The following PSPC1 variants were observed in gnomAD, a reference collection of about 807,000 sequenced individuals.
The protein encoded by PSPC1 is paraspeckle protein 1.
PSPC1 carries 14 observed loss-of-function variants against 51.6 expected under a neutral mutation model. The ratio of observed to expected loss-of-function variants is 0.27; its 90% confidence interval spans 0.18 to 0.42. The LOEUF is 0.42. PSPC1 is among the 10% of genes least tolerant of loss of function. PSPC1 has a pLI of 1.00. For synonymous variants in PSPC1, 193 were observed against 231.9 expected (o/e 0.83, Z 1.53); for missense variants, 406 against 701.1 (o/e 0.58, Z 4.75).
At chr13:19,754,881 G>A (rs1266662346) in intron 3 of PSPC1, among the ~76,000 whole-genome samples, 1 of 152,052 alleles carries the variant, frequency 6.6e-6, no homozygotes, top group African/African-American at 2.4e-5. Context: ...ATTTGTAATG[G>A]TGACCTATAA....
chr13:19,712,450 T>C (rs907862806), intron 6 of PSPC1, among the ~76,000 whole-genome samples: 2 of 152,200 alleles, frequency 1.3e-5, no homozygotes, highest in African/African-American at 4.8e-5. Flanking sequence ...CTAGAATAAC[T>C]TTCTAGAATA....
chr13:19,752,150 A>G (rs1205495630), intron 3 of PSPC1, among the ~76,000 whole-genome samples: 3 of 152,170 alleles, frequency 2.0e-5, no homozygotes, highest in South Asian at 4.1e-4. Flanking sequence ...AACCAGCTAG[A>G]TTTTACTGAG....
chr13:19,768,622 T>C (rs1593760717), intron 2 of PSPC1, among the ~76,000 whole-genome samples: 1 of 150,254 alleles, frequency 6.7e-6, no homozygotes, highest in East Asian at 1.9e-4. Context: ...CACTCCAGGC[T>C]GGGCAACAGA....
intron 6 of PSPC1, among the ~76,000 whole-genome samples, chr13:19,697,246 C>T (rs1264238836): frequency 6.6e-6 from 1 of 152,148 alleles, no homozygotes; most frequent in South Asian, 2.1e-4. Flanking sequence ...GGCCTACAGA[C>T]CACTCTGGAA....
At chr13:19,778,018 C>T (rs965156517) in intron 1 of PSPC1, among the ~76,000 whole-genome samples, 21 of 152,158 alleles carry the variant, frequency 1.4e-4, no homozygotes, top group South Asian at 4.1e-4. Context: ...CCAAGGCGGG[C>T]GGATCACGAG....
At chr13:19,731,891 A>G (rs1032492664) in intron 5 of PSPC1, among the ~76,000 whole-genome samples, 3 of 152,230 alleles carry the variant, frequency 2.0e-5, no homozygotes, top group Non-Finnish European at 2.9e-5. Flanking sequence ...CCCTCCACCA[A>G]TAAAACTGCA....
intron 3 of PSPC1, among the ~76,000 whole-genome samples, chr13:19,754,020 T>C (rs574794512): frequency 6.6e-6 from 1 of 152,176 alleles, no homozygotes; most frequent in Non-Finnish European, 1.5e-5. Context: ...AATAACATGA[T>C]TTTTTGAAGG....
Position 19,731,633 on chromosome 13 carries a change from T to TA in PSPC1, c.1053-1290dup, listed in dbSNP as rs1884135914. 3.3e-5 allele frequency among the ~76,000 whole-genome samples: 5 copies of TA among 152,118 alleles called. No individual in the cohort carries two copies. The South Asian group carries it at 1.0e-3, about 32-fold the overall frequency. On this transcript the variant is annotated intron_variant, in intron 5 of 8. Coordinates refer to ENST00000338910, the MANE Select transcript of PSPC1 (RefSeq NM_001354909.2). ...CTTGCCATGTTGCCCAGACTGGTCT[T>TA]AAACTCCTGGGCTCAAGTGGTCTGC...
At chr13:19,733,618 C>T (rs561104610) in intron 5 of PSPC1, among the ~76,000 whole-genome samples, 22 of 151,818 alleles carry the variant, frequency 1.4e-4, no homozygotes, top group Admixed American at 2.6e-4. Flanking sequence ...AAAAAATTAC[C>T]CAGGTGTGTT....
At chr13:19,747,220 G>C (rs1886087201) in intron 4 of PSPC1, among the ~76,000 whole-genome samples, 1 of 152,138 alleles carries the variant, frequency 6.6e-6, no homozygotes, top group Non-Finnish European at 1.5e-5. Flanking sequence ...TATCGAAAGA[G>C]GATGAACTAA....
At chr13:19,678,681 A>C (rs916928285) in intron 6 of PSPC1, 9 of 152,200 alleles carry the variant, frequency 5.9e-5, no homozygotes, top group African/African-American at 1.7e-4. Context: ...CCTGCAAGTA[A>C]AGGGGATCCA....
chr13:19,775,811 G>C (rs1332757497), intron 1 of PSPC1, among the ~76,000 whole-genome samples: 1 of 152,192 alleles, frequency 6.6e-6, no homozygotes, highest in Non-Finnish European at 1.5e-5. Context: ...AACACTTTGG[G>C]AGGCCGAGGC....
intron 1 of PSPC1, among the ~76,000 whole-genome samples, chr13:19,778,434 C>G: frequency 8.0e-6 from 1 of 124,962 alleles, no homozygotes; most frequent in South Asian, 3.2e-4. Flanking sequence ...CATGCGGAGC[C>G]GAAGCTGGAC....
At chr13:19,687,452 A>G (rs907838321) in intron 6 of PSPC1, among the ~76,000 whole-genome samples, 3 of 152,084 alleles carry the variant, frequency 2.0e-5, no homozygotes, top group Non-Finnish European at 4.4e-5. Flanking sequence ...TTTGTGTCTC[A>G]TATTTTCATT....
chr13:19,733,462 T>C (rs556512426), intron 5 of PSPC1, among the ~76,000 whole-genome samples: 2 of 151,252 alleles, frequency 1.3e-5, no homozygotes, highest in Admixed American at 6.6e-5. Flanking sequence ...CCACGAAAAA[T>C]AGAAAATATT....
intron 4 of PSPC1, among the ~76,000 whole-genome samples, chr13:19,745,102 G>C (rs1379154023): frequency 6.6e-6 from 1 of 152,142 alleles, no homozygotes; most frequent in Non-Finnish European, 1.5e-5. Flanking sequence ...TGGATCACTT[G>C]AGGTCAGGAG....
rs139589088 is a variant in PSPC1 at position 19,755,594 on chromosome 13, A to C, written c.770+3729T>G. On this transcript the variant is annotated intron_variant, in intron 3 of 8. Coordinates refer to ENST00000338910, the MANE Select transcript of PSPC1 (RefSeq NM_001354909.2). ...TAAGAGAGAAACTCCATCTCAAAAA[A>C]AAAAAAAACAATAGATATGAATTAT... 7.2e-4 allele frequency among the ~76,000 whole-genome samples: 109 copies of C among 152,182 alleles called. 1 individual carries two copies. The East Asian group carries it at 0.02, about 27-fold the overall frequency.
intron 6 of PSPC1, among the ~76,000 whole-genome samples, chr13:19,686,094 T>A (rs1024210105): frequency 6.6e-6 from 1 of 152,172 alleles, no homozygotes; most frequent in African/African-American, 2.4e-5. Flanking sequence ...TCTCCTCCAC[T>A]CAATTCTCTA....
intron 1 of PSPC1, among the ~76,000 whole-genome samples, chr13:19,774,250 T>C (rs1404740844): frequency 6.6e-6 from 1 of 152,192 alleles, no homozygotes; most frequent in Non-Finnish European, 1.5e-5. Flanking sequence ...CATTGTGTTA[T>C]GGGAACTCTC....
Sources: allele counts gnomAD v4.1 joint callset (sites outside exome capture counted in the v4.1 genomes callset), GRCh38; gene constraint gnomAD v4.1.1; transcripts MANE v1.5; gene names NCBI Gene and HGNC (gene_info 2026-07-23, HGNC 2026-07-21).